The following NTRK1 variants were observed in gnomAD, a reference collection of about 807,000 sequenced individuals.
The protein encoded by NTRK1 is neurotrophic receptor tyrosine kinase 1, also known as high affinity nerve growth factor receptor.
Under a neutral mutation model 86.8 loss-of-function variants are expected in NTRK1, and 62 were observed. That is an observed-to-expected ratio of 0.71 (90% confidence interval 0.58 to 0.88). The LOEUF (loss-of-function observed/expected upper bound fraction) is 0.88, where lower values mean the gene tolerates loss of function less well. Ranked by LOEUF, NTRK1 falls within the 40% of genes least tolerant of loss-of-function variation. NTRK1 has a pLI of 0.00. For synonymous variants in NTRK1, 469 were observed against 456.6 expected, an observed-to-expected ratio of 1.03 and a Z score of -0.35; for missense variants, 967 against 1,078.4, an observed-to-expected ratio of 0.90 and a Z score of 1.45.
In NTRK1 at chr1:156,879,032, C is replaced by T. The variant is rs567646853; in HGVS notation, c.1806-90C>T. 8 of 1,487,308 alleles carry T rather than the reference C, an allele frequency of 5.4e-6. No individual in the cohort carries two copies. In the African/African-American group the frequency reaches 1.1e-4, roughly 21 times the overall value. The allele number at this position is 1,487,308 out of a possible 1,614,324, so 92.1% of individuals were successfully genotyped here. ...ACTTCCAGGTCCCCAGTCTCCTCTC[C>T]CATCACACGCGGCTGCTGGGGATCG... On this transcript the variant is annotated intron_variant, in intron 14 of 16. Coordinates refer to ENST00000524377, the MANE Select transcript of NTRK1 (RefSeq NM_002529.4).
At chr1:156,869,229 G>T (rs1025490943) in intron 6 of NTRK1, among the ~76,000 whole-genome samples, 1 of 151,972 alleles carries the variant, frequency 6.6e-6, no homozygotes, top group African/African-American at 2.4e-5. Flanking sequence ...ACAGGCACGC[G>T]CCACCATGCC....
rs761177441 is a variant in NTRK1 at position 156,846,513 on chromosome 1, G to T, written c.50+4320G>T. ...TGACTGACTCTTGCACCCTCCAAAT[G>T]CCTACCTGCAGGCAGCGTTCGGAGG... On this transcript the variant is annotated intron_variant, in intron 2 of 16. Coordinates refer to the NTRK1 transcript ENST00000392302. The T allele has an allele frequency of 9.3e-6, 15 of 1,609,564 alleles. No individual in the cohort carries two copies. In the East Asian group the frequency reaches 2.9e-4, roughly 31 times the overall value.
intron 2 of NTRK1, 106 bp from the exon 3 acceptor site, chr1:156,864,622 G>A (rs2102885795): frequency 7.8e-7 from 1 of 1,283,054 alleles, no homozygotes; most frequent in Non-Finnish European, 1.1e-6. Flanking sequence ...GCCTGAGGAG[G>A]GGTAGGGGTT....
At chr1:156,845,346 T>C in intron 2 of NTRK1, 1 of 1,606,084 alleles carries the variant, frequency 6.2e-7, no homozygotes, top group Non-Finnish European at 8.5e-7. Context: ...GCCACGCCCC[T>C]CAGCACCTGC....
chr1:156,817,621 T>C (rs1654044656), intron 1 of NTRK1, among the ~76,000 whole-genome samples: 1 of 151,032 alleles, frequency 6.6e-6, no homozygotes, highest in Admixed American at 6.6e-5. Context: ...CAGTTGTCAT[T>C]AATAACATCA....
chr1:156,860,783 C>T (rs1190384918), upstream of NTRK1: 31 of 1,312,452 alleles, frequency 2.4e-5, no homozygotes, highest in Non-Finnish European at 2.9e-5. Flanking sequence ...AGAAGAGGGG[C>T]AAGGCGGGGC....
chr1:156,860,976 C>A lies in NTRK1; in HGVS notation c.42C>A (p.Ser14Arg), dbSNP rs1441623333. 1 of 1,523,144 alleles carries A rather than the reference C, an allele frequency of 6.6e-7. No homozygotes were observed. Among genetic ancestry groups the A allele is most frequent in the Admixed American group, 2.0e-5 (1 of 50,210 alleles). The allele number at this position is 1,523,144 out of a possible 1,614,324, so 94.4% of individuals were successfully genotyped here. ...GGCGCGGGCAGCTTGGCTGGCACAG[C>A]TGGGCTGCGGGGCCGGGCAGCCTGC... ...GGRRGQLGWH[S>R]WAAGPGSLLA... is the part of the protein sequence containing the mutation. Residue 14 changes from serine (S) to arginine (R), a missense_variant, in exon 1 of 17, where the codon AGC becomes AGA. Coordinates refer to ENST00000524377, the MANE Select transcript of NTRK1 (RefSeq NM_002529.4).
chr1:156,858,839 G>A, upstream of NTRK1: 1 of 586,066 alleles, frequency 1.7e-6, no homozygotes, highest in Non-Finnish European at 3.1e-6. Context: ...GTTGGAGACA[G>A]AGAGACTCAG....
intron 1 of NTRK1, among the ~76,000 whole-genome samples, chr1:156,825,551 A>C (rs1281462039): frequency 6.6e-6 from 1 of 152,190 alleles, no homozygotes; most frequent in Admixed American, 6.5e-5. Flanking sequence ...TTTAGGTTTT[A>C]CCATCCTGCC....
intron 6 of NTRK1, among the ~76,000 whole-genome samples, chr1:156,871,321 G>A (rs532086485): frequency 1.3e-5 from 2 of 152,300 alleles, no homozygotes; most frequent in East Asian, 1.9e-4. Flanking sequence ...TTGGGAGGCC[G>A]AGGTGAGAGG....
chr1:156,868,450 T>C (rs895206277), intron 5 of NTRK1, 55 bp from the exon 6 acceptor site: 1 of 1,549,586 alleles, frequency 6.5e-7, no homozygotes, highest in African/African-American at 1.4e-5. Flanking sequence ...AGTAGAGTTC[T>C]GGGGCCACTC....
At position 156,879,204 on chromosome 1, in the gene NTRK1, G is replaced by A. The variant is rs1405634315; in HGVS notation, c.1888G>A (p.Val630Met). The A allele has an allele frequency of 1.2e-5, 20 of 1,613,838 alleles. No homozygotes were observed. Among genetic ancestry groups the A allele is most frequent in the East Asian group, 8.9e-5 (4 of 44,886 alleles). The part of the protein sequence containing the change: ...GPLGLGQLLA[V>M]ASQVAAGMVY... Reference sequence around the variant, plus strand: ...CCTGGGTCTGGGGCAGCTGCTGGCCGTGGCTAGCCAGGTCGCTGCGGGGAT... The same window carrying A: ...CCTGGGTCTGGGGCAGCTGCTGGCCATGGCTAGCCAGGTCGCTGCGGGGAT... The change falls in exon 15 of 17, where the codon GTG becomes ATG. Residue 630 changes from valine (V) to methionine (M), a missense_variant. Around this residue, in one of 2 missense-constraint regions of NTRK1, gnomAD observed 637 missense variants for 776.5 expected, o/e 0.82. Coordinates refer to ENST00000524377, the MANE Select transcript of NTRK1 (RefSeq NM_002529.4).
chr1:156,846,620 T>A (rs752530173), intron 2 of NTRK1: 4 of 1,614,184 alleles, frequency 2.5e-6, no homozygotes, highest in Non-Finnish European at 3.4e-6. Context: ...CACTGCGTAC[T>A]GTGTCCAAGG....
intron 14 of NTRK1, 27 bp downstream of exon 14, chr1:156,876,599 CCCCGGCCCCTGGCT>C (rs1375076206): frequency 1.3e-6 from 2 of 1,598,480 alleles, no homozygotes; most frequent in Non-Finnish European, 1.7e-6. Context: ...TCAGCGCTGG[CCCCGGCCCCTGGCT>C]CTGGGCCCCG....
intron 2 of NTRK1, chr1:156,846,249 T>TCCTGGGTGCGGCTTAGGGGCAGCTCCACA: frequency 1.0e-6 from 1 of 996,312 alleles, no homozygotes; most frequent in Non-Finnish European, 1.4e-6. Context: ...CACCCCTGGC[T>TCCTGGGTGCGGCTTAGGGGCAGCTCCACA]TCCTAGAACT....
At chr1:156,842,177 A>G in exon 2 of NTRK1, 2 of 1,613,762 alleles carry the variant, frequency 1.2e-6, no homozygotes, top group South Asian at 2.2e-5. Flanking sequence ...TCGGTGCACA[A>G]ACTTGTTGGC....
chr1:156,875,731 G>A, intron 12 of NTRK1, 65 bp downstream of exon 12: 1 of 1,565,022 alleles, frequency 6.4e-7, no homozygotes, highest in Admixed American at 1.7e-5. Context: ...GTGTGTGTGT[G>A]TGTGTAGAAG....
At chr1:156,855,419 G>A (rs1384048603) in intron 2 of NTRK1, among the ~76,000 whole-genome samples, 4 of 152,118 alleles carry the variant, frequency 2.6e-5, no homozygotes, top group African/African-American at 9.7e-5. Flanking sequence ...TGGCCAGGCT[G>A]GTCTCCAACT....
intron 1 of NTRK1, chr1:156,816,235 G>A (rs972134358): frequency 1.4e-6 from 2 of 1,391,554 alleles, no homozygotes; most frequent in Non-Finnish European, 1.9e-6. Flanking sequence ...GGGCAGCAGG[G>A]GAGTTTCTCA....
Sources: allele counts gnomAD v4.1 joint callset (sites outside exome capture counted in the v4.1 genomes callset), GRCh38; gene constraint gnomAD v4.1.1; regional missense constraint gnomAD v4.1.1; transcripts MANE v1.5; gene names NCBI Gene and HGNC (gene_info 2026-07-23, HGNC 2026-07-21).